CDH4: variants seen among roughly 807,000 people sequenced by gnomAD.
CDH4 encodes the protein cadherin 4.
Under a neutral mutation model 86.0 loss-of-function variants are expected in CDH4, and 33 were observed. That is an observed-to-expected ratio of 0.38 (90% CI 0.29 to 0.51). The LOEUF is 0.51. Ranked by LOEUF, CDH4 falls within the 20% of genes least tolerant of loss-of-function variation. The pLI is 0.86. For synonymous variants in CDH4, 555 were observed against 549.4 expected (o/e 1.01, Z -0.14); for missense variants, 1,114 against 1,307.4 (o/e 0.85, Z 2.28).
At chr20:61,773,383 C>T (rs906969873) in intron 4 of CDH4, among the ~76,000 whole-genome samples, 1 of 152,202 alleles carries the variant, frequency 6.6e-6, no homozygotes, top group African/African-American at 2.4e-5. Context: ...GTGGATGGGC[C>T]TTTGTGAGTT....
intron 4 of CDH4, among the ~76,000 whole-genome samples, chr20:61,794,189 C>T (rs1182737535): frequency 6.6e-6 from 1 of 151,518 alleles, no homozygotes; most frequent in African/African-American, 2.4e-5. Flanking sequence ...ATACCTCTCA[C>T]CCTGGCAGCT....
intron 2 of CDH4, among the ~76,000 whole-genome samples, chr20:61,657,765 A>G (rs539673269): frequency 2.0e-5 from 3 of 152,378 alleles, no homozygotes; most frequent in African/African-American, 4.8e-5. Context: ...ACCTCGTAGT[A>G]AAATGTGGAG....
rs2084367189 is a variant in CDH4 at position 61,298,206 on chromosome 20, G to A, written c.169+43269G>A. On this transcript the variant is annotated intron_variant, in intron 2 of 15. Transcript: ENST00000614565. ...GGCCTGTGTCAGCGGCTGCCTAACC[G>A]TGGACACCAGCACGATGACTCAGTC... 3.3e-5 allele frequency among the ~76,000 whole-genome samples: 5 copies of A among 152,320 alleles called. No individual in the cohort carries two copies. In the South Asian group the frequency reaches 1.0e-3, roughly 32 times the overall value.
chr20:61,418,336 G>A (rs2085158477), intron 2 of CDH4, among the ~76,000 whole-genome samples: 1 of 151,128 alleles, frequency 6.6e-6, no homozygotes, highest in Non-Finnish European at 1.5e-5. Context: ...TCAGCCTCCT[G>A]AGTAGCTGGG....
chr20:61,466,869 T>C (rs1293044010), intron 2 of CDH4, among the ~76,000 whole-genome samples: 1 of 126,622 alleles, frequency 7.9e-6, no homozygotes, highest in African/African-American at 3.1e-5. Context: ...AAATAACAAA[T>C]AATCAGTCCT....
At chr20:61,520,348 C>G (rs1306392195) in intron 2 of CDH4, among the ~76,000 whole-genome samples, 1 of 152,210 alleles carries the variant, frequency 6.6e-6, no homozygotes, top group Non-Finnish European at 1.5e-5. Flanking sequence ...GGCTCCAGAA[C>G]CACACCCTTG....
In CDH4 at chr20:61,663,102, A is replaced by T. The variant is rs543224420; in HGVS notation, c.170-80461A>T. 7.9e-5 allele frequency among the ~76,000 whole-genome samples: 12 copies of T among 152,338 alleles called. No individual in the cohort carries two copies. The South Asian group carries it at 2.5e-3, about 32-fold the overall frequency. On this transcript the variant is annotated intron_variant, in intron 2 of 15. Coordinates refer to ENST00000614565, the MANE Select transcript of CDH4 (RefSeq NM_001794.5). This position sits in a 1 kb window ranked among gnomAD's most constrained non-coding sequence, Gnocchi z 5.0. ...GCTGCCCAGCGCAGGCAGTGTCGAC[A>T]TGAAGCAAACCATTGTTAAAATATT...
At chr20:61,490,426 C>T (rs1391338352) in intron 2 of CDH4, among the ~76,000 whole-genome samples, 2 of 152,168 alleles carry the variant, frequency 1.3e-5, no homozygotes, top group Non-Finnish European at 2.9e-5. Context: ...GGTGGCCGGG[C>T]GCAGTGGCTC....
intron 4 of CDH4, among the ~76,000 whole-genome samples, chr20:61,817,510 T>A (rs1299678101): frequency 1.3e-5 from 2 of 152,120 alleles, no homozygotes; most frequent in Admixed American, 1.3e-4. Flanking sequence ...TTTTTTTATT[T>A]TTATTTTTTT....
At chr20:61,633,747 C>A (rs200411669) in intron 2 of CDH4, among the ~76,000 whole-genome samples, 16 of 152,346 alleles carry the variant, frequency 1.1e-4, no homozygotes, top group East Asian at 5.8e-4. Flanking sequence ...GGAGAACTGA[C>A]GAGACCGTCA....
At chr20:61,537,037 A>G (rs1013644424) in intron 2 of CDH4, among the ~76,000 whole-genome samples, 17 of 152,284 alleles carry the variant, frequency 1.1e-4, no homozygotes, top group African/African-American at 4.1e-4. Context: ...CACCCCCAGA[A>G]ACCACTTGGA....
At chr20:61,534,172 C>G (rs1414894481) in intron 2 of CDH4, among the ~76,000 whole-genome samples, 1 of 152,182 alleles carries the variant, frequency 6.6e-6, no homozygotes, top group African/African-American at 2.4e-5. Context: ...GGCATTTATT[C>G]TGTGCATTAT....
chr20:61,771,072 A>T (rs1432045341), intron 3 of CDH4, among the ~76,000 whole-genome samples: 5 of 140,078 alleles, frequency 3.6e-5, no homozygotes, highest in African/African-American at 1.4e-4. Flanking sequence ...GTGCAATGGC[A>T]CAATCTTGGC....
At chr20:61,923,909 T>G (rs904707081) in intron 10 of CDH4, among the ~76,000 whole-genome samples, 2 of 152,112 alleles carry the variant, frequency 1.3e-5, no homozygotes, top group Non-Finnish European at 2.9e-5. Flanking sequence ...CAATCGTGAG[T>G]GTTGTGACCG....
intron 2 of CDH4, among the ~76,000 whole-genome samples, chr20:61,723,302 C>T (rs8122473): frequency 0.035 from 5,347 of 152,300 alleles, 324 homozygotes; most frequent in African/African-American, 0.12. Flanking sequence ...CCCTGCACCT[C>T]CTCCGGACCC....
chr20:61,746,114 G>A (rs2088411492), intron 3 of CDH4, among the ~76,000 whole-genome samples: 2 of 152,150 alleles, frequency 1.3e-5, no homozygotes, highest in South Asian at 2.1e-4. Flanking sequence ...GCCTCTAACA[G>A]CAGTGGCCCC....
At chr20:61,757,233 A>ACC (rs5842364) in intron 3 of CDH4, among the ~76,000 whole-genome samples, 137 of 142,806 alleles carry the variant, frequency 9.6e-4, no homozygotes, top group African/African-American at 1.9e-3. Context: ...CAGAACACAG[A>ACC]CCCCCCCCCC....
intron 2 of CDH4, among the ~76,000 whole-genome samples, chr20:61,675,299 C>T (rs1302899062): frequency 7.2e-6 from 1 of 139,454 alleles, no homozygotes. Flanking sequence ...ATGGAAACAA[C>T]CATCGTAGGG....
intron 2 of CDH4, among the ~76,000 whole-genome samples, chr20:61,500,771 A>G (rs2085695154): frequency 6.6e-6 from 1 of 152,176 alleles, no homozygotes; most frequent in Non-Finnish European, 1.5e-5. Flanking sequence ...TGTTTCCTTC[A>G]TATCGTTGGC....
Sources: allele counts gnomAD v4.1 joint callset (sites outside exome capture counted in the v4.1 genomes callset), GRCh38; gene constraint gnomAD v4.1.1; non-coding constraint Gnocchi (gnomAD v3.1); transcripts MANE v1.5; gene names NCBI Gene and HGNC (gene_info 2026-07-23, HGNC 2026-07-21).